Variants in IQGAP1 observed in about 807,000 individuals in gnomAD.
IQGAP1 encodes IQ motif containing GTPase activating protein 1.
In IQGAP1, 66 loss-of-function variants were observed where a neutral mutation model predicts 215.6. The ratio of observed to expected loss-of-function variants is 0.31; its 90% CI spans 0.25 to 0.38. The LOEUF (loss-of-function observed/expected upper bound fraction) is 0.38, where lower values mean the gene tolerates loss of function less well. IQGAP1 is among the 10% of genes least tolerant of loss of function. IQGAP1 has a pLI of 1.00. For synonymous variants in IQGAP1, 772 were observed against 728.7 expected (o/e 1.06, Z -0.96); for missense variants, 1,712 against 1,997.1 (o/e 0.86, Z 2.72).
chr15:90,465,909 TTTAA>T, intron 15 of IQGAP1, 88 bp from the exon 16 acceptor site: 1 of 958,070 alleles, frequency 1.0e-6, no homozygotes, highest in Non-Finnish European at 1.7e-6. Flanking sequence ...TTCTTCCATA[TTTAA>T]TTGAGTCTAG....
At position 90,491,406 on chromosome 15, in the gene IQGAP1, C is replaced by G; in HGVS notation, c.4322C>G (p.Ser1441Ter). The G allele has an allele frequency of 6.2e-7, 1 of 1,614,042 alleles. No individual in the cohort carries two copies. Among genetic ancestry groups the G allele is most frequent in the Non-Finnish European group, 8.5e-7 (1 of 1,180,008 alleles). ...AAAACACCTGACAAGATGAAAAAGTCAAAATCTGTAAAGGAAGACAGCAAC... is the reference window on the plus strand; with the variant it reads ...AAAACACCTGACAAGATGAAAAAGTGAAAATCTGTAAAGGAAGACAGCAAC... ...DAKTPDKMKK[S>*]KSVKEDSNLT... Residue 1441 changes from serine (S) to a stop codon, truncating the protein, a stop_gained, in exon 34 of 38, where the codon TCA becomes TGA. Transcript: ENST00000268182. LOFTEE classifies it high-confidence loss of function.
chr15:90,435,279 C>T (rs1337126625), intron 5 of IQGAP1, among the ~76,000 whole-genome samples: 2 of 152,044 alleles, frequency 1.3e-5, no homozygotes, highest in African/African-American at 4.8e-5. Context: ...GAGTTAGAGA[C>T]CATCCTGGGC....
chr15:90,454,298 A>G, intron 13 of IQGAP1, 130 bp from the exon 14 acceptor site: 1 of 948,710 alleles, frequency 1.1e-6, no homozygotes, highest in South Asian at 1.5e-5. Flanking sequence ...ACTTTGTTTA[A>G]AGTAACTGTG....
chr15:90,435,872 C>T (rs1181903244), intron 5 of IQGAP1, among the ~76,000 whole-genome samples: 1 of 152,054 alleles, frequency 6.6e-6, no homozygotes, highest in Non-Finnish European at 1.5e-5. Context: ...GGTGTTTTTC[C>T]TGAAGGGTGG....
At chr15:90,395,526 T>C (rs1964704330) in intron 2 of IQGAP1, among the ~76,000 whole-genome samples, 2 of 152,180 alleles carry the variant, frequency 1.3e-5, no homozygotes, top group African/African-American at 4.8e-5. Flanking sequence ...TTCACCGTGT[T>C]AGCCAGGATA....
chr15:90,417,490 T>C (rs562662930), intron 2 of IQGAP1, among the ~76,000 whole-genome samples: 1 of 152,344 alleles, frequency 6.6e-6, no homozygotes, highest in African/African-American at 2.4e-5. Context: ...CTTGTTTTGG[T>C]CAGGTTTGTC....
chr15:90,491,553 A>G lies in IQGAP1; in HGVS notation c.4461+8A>G. 1 of 1,612,466 alleles carries G rather than the reference A, an allele frequency of 6.2e-7. No homozygotes were observed. The highest frequency in any genetic ancestry group is 1.1e-5 in the South Asian group (1 of 91,028). The stretch of plus-strand genomic sequence containing the variant: ...ATCAACGACATTGCCAGGGTACTGC[A>G]TTCGGGGGACAGAGGGGACCCGGCC... On this transcript the variant is annotated splice_region_variant and intron_variant, in intron 34 of 37. Coordinates refer to ENST00000268182, the MANE Select transcript of IQGAP1 (RefSeq NM_003870.4).
At chr15:90,430,715 G>A (rs1596262866) in intron 4 of IQGAP1, among the ~76,000 whole-genome samples, 1 of 152,022 alleles carries the variant, frequency 6.6e-6, no homozygotes, top group East Asian at 1.9e-4. Flanking sequence ...ATTAAGGGTG[G>A]TTTTTATTTT....
At chr15:90,390,068 A>G (rs1373348025) in intron 1 of IQGAP1, among the ~76,000 whole-genome samples, 4 of 152,090 alleles carry the variant, frequency 2.6e-5, no homozygotes, top group African/African-American at 4.8e-5. Context: ...GAACTGAGTG[A>G]TGTAGACTGC....
At chr15:90,498,810 G>T (rs1966305455) in intron 37 of IQGAP1, among the ~76,000 whole-genome samples, 1 of 82,282 alleles carries the variant, frequency 1.2e-5, no homozygotes, top group African/African-American at 5.5e-5. Context: ...ATCACGCCCG[G>T]CTAATTTTTT....
rs968239418 is a variant in IQGAP1 at position 90,474,817 on chromosome 15, T to C, written c.2784+124T>C. 1.2e-5 allele frequency: 4 copies of C among 321,504 alleles called. No individual in the cohort carries two copies. In the South Asian group the frequency reaches 1.9e-4, roughly 16 times the overall value. 19.9% of individuals were successfully genotyped at this position (321,504 alleles called of 1,614,324 possible). A position where few individuals can be genotyped will look rare whatever the true frequency, so the allele number is the denominator to read the frequency against. ...TCTCCTCAGCTACTGCCATAAGAGC[T>C]TTTTTTTTTTCTTTTGACTGAGTCT... On this transcript the variant is annotated intron_variant, in intron 23 of 37. Transcript: ENST00000268182.
chr15:90,418,213 C>T (rs1166302127), intron 2 of IQGAP1, among the ~76,000 whole-genome samples: 3 of 151,552 alleles, frequency 2.0e-5, no homozygotes, highest in Non-Finnish European at 4.4e-5. Flanking sequence ...AGAATAGACA[C>T]CTTTTTTTTT....
chr15:90,494,695 A>G lies in IQGAP1; in HGVS notation c.4629-18A>G. The stretch of plus-strand genomic sequence containing the variant: ...TAGATGGTTACTTATAGAAAGTGAC[A>G]TGATGTGATTTTTACAGAGTCTCCA... On this transcript the variant is annotated intron_variant, in intron 35 of 37. Coordinates refer to ENST00000268182, the MANE Select transcript of IQGAP1 (RefSeq NM_003870.4). The G allele has an allele frequency of 1.3e-6, 2 of 1,592,476 alleles. No individual in the cohort carries two copies. Among genetic ancestry groups the G allele is most frequent in the South Asian group, 1.1e-5 (1 of 87,776 alleles).
In IQGAP1 at chr15:90,390,827, C is replaced by T. The variant is rs1380686366; in HGVS notation, c.109C>T (p.Gln37Ter). The change falls in exon 2 of 38, where the codon CAG becomes TAG. Residue 37 changes from glutamine to a stop codon, truncating the protein, a stop_gained. Coordinates refer to ENST00000268182, the MANE Select transcript of IQGAP1 (RefSeq NM_003870.4). LOFTEE classifies it high-confidence loss of function. Reference protein sequence around the residue: ...TAEEMDERRRQNVAYEYLCHL... With the variant: ...TAEEMDERRR ...AGAGGAGATGGATGAAAGGAGACGT[C>T]AGAACGTGGCTTATGAGTACCTTTG... 1 of 1,613,274 alleles carries T rather than the reference C, an allele frequency of 6.2e-7. No homozygotes were observed. Among genetic ancestry groups the T allele is most frequent in the Non-Finnish European group, 8.5e-7 (1 of 1,179,258 alleles).
chr15:90,437,048 T>C (rs1965379965), intron 5 of IQGAP1, among the ~76,000 whole-genome samples: 2 of 152,048 alleles, frequency 1.3e-5, no homozygotes, highest in African/African-American at 2.4e-5. Context: ...TTTAACTGGC[T>C]TAAGGTTCCA....
intron 2 of IQGAP1, among the ~76,000 whole-genome samples, chr15:90,394,888 C>T (rs1189753332): frequency 6.6e-6 from 1 of 152,224 alleles, no homozygotes; most frequent in Non-Finnish European, 1.5e-5. Context: ...TGTAACAGAG[C>T]TCTTTCTTGG....
chr15:90,400,285 T>C (rs1430713148), intron 2 of IQGAP1, among the ~76,000 whole-genome samples: 1 of 152,252 alleles, frequency 6.6e-6, no homozygotes, highest in Non-Finnish European at 1.5e-5. Context: ...TAGGTATGTG[T>C]CTCACATACA....
At chr15:90,405,029 G>A (rs996580672) in intron 2 of IQGAP1, among the ~76,000 whole-genome samples, 1 of 152,038 alleles carries the variant, frequency 6.6e-6, no homozygotes, top group Admixed American at 6.5e-5. Context: ...ATTCTCCCAT[G>A]TTTTCCTCTA....
At chr15:90,433,640 T>C in intron 4 of IQGAP1, 79 bp from the exon 5 acceptor site, 2 of 874,698 alleles carry the variant, frequency 2.3e-6, no homozygotes, top group Non-Finnish European at 3.7e-6. Flanking sequence ...ATAGTTTGAT[T>C]TGGATTATTG....
Sources: allele counts gnomAD v4.1 joint callset (sites outside exome capture counted in the v4.1 genomes callset), GRCh38; gene constraint gnomAD v4.1.1; transcripts MANE v1.5; gene names NCBI Gene and HGNC (gene_info 2026-07-23, HGNC 2026-07-21).